The following POLE2 variants were observed in gnomAD, a reference collection of about 807,000 sequenced individuals.
The protein encoded by POLE2 is DNA polymerase epsilon 2, accessory subunit, also known as DNA polymerase epsilon subunit 2.
Under a neutral mutation model 79.4 loss-of-function variants are expected in POLE2, and 56 were observed. That is an observed-to-expected ratio of 0.71 (90% CI 0.57 to 0.88). POLE2 has a LOEUF of 0.88. POLE2 is among the 40% of genes least tolerant of loss of function. The probability of loss-of-function intolerance (pLI) is 0.00; values close to 1 mark genes in which losing one functional copy is unlikely to be tolerated. For missense variants in POLE2, 598 were observed against 638.9 expected (o/e 0.94, Z 0.69); for synonymous variants, 212 against 214.0 (o/e 0.99, Z 0.08).
intron 2 of POLE2, among the ~76,000 whole-genome samples, chr14:49,683,327 G>C (rs1307452098): frequency 2.0e-5 from 3 of 151,988 alleles, no homozygotes; most frequent in African/African-American, 7.3e-5. Flanking sequence ...GCTTGAACCC[G>C]GGAGGTGGGG....
At chr14:49,683,552 C>A in intron 2 of POLE2, 41 bp downstream of exon 2, 1 of 888,740 alleles carries the variant, frequency 1.1e-6, no homozygotes, top group South Asian at 1.4e-5. Flanking sequence ...AGATGCAGAA[C>A]TATATTAACA....
At chr14:49,675,897 G>A (rs1283814957) in intron 3 of POLE2, among the ~76,000 whole-genome samples, 1 of 152,044 alleles carries the variant, frequency 6.6e-6, no homozygotes, top group African/African-American at 2.4e-5. Flanking sequence ...GGGATTACAG[G>A]CACCCTCCAC....
intron 5 of POLE2, among the ~76,000 whole-genome samples, chr14:49,670,949 C>T (rs913494838): frequency 6.6e-6 from 1 of 152,182 alleles, no homozygotes; most frequent in African/African-American, 2.4e-5. Flanking sequence ...CCTGACAATA[C>T]AAACTTCGTA....
At chr14:49,665,012 G>A in intron 8 of POLE2, 95 bp downstream of exon 8, 2 of 694,174 alleles carry the variant, frequency 2.9e-6, no homozygotes, top group South Asian at 3.3e-5. Context: ...AAGTTACATT[G>A]AGAACCCAAA....
intron 1 of POLE2, among the ~76,000 whole-genome samples, chr14:49,687,763 G>A (rs1887260250): frequency 6.6e-6 from 1 of 151,870 alleles, no homozygotes; most frequent in South Asian, 2.1e-4. Flanking sequence ...AGAGTGGCAC[G>A]ATATCGGCTC....
At chr14:49,675,907 C>A (rs1421224403) in intron 3 of POLE2, among the ~76,000 whole-genome samples, 7 of 152,132 alleles carry the variant, frequency 4.6e-5, no homozygotes, top group Admixed American at 6.6e-5. Context: ...GCACCCTCCA[C>A]CACGCCCAGC....
intron 1 of POLE2, among the ~76,000 whole-genome samples, chr14:49,687,164 G>A (rs529054598): frequency 2.1e-4 from 32 of 151,856 alleles, no homozygotes; most frequent in Non-Finnish European, 4.0e-4. Flanking sequence ...GGTGGCCCAT[G>A]CCTGCAGTCC....
chr14:49,652,165 CGG>C (rs1289089627), intron 15 of POLE2, among the ~76,000 whole-genome samples: 5 of 38,624 alleles, frequency 1.3e-4, no homozygotes, highest in African/African-American at 3.2e-4. Context: ...GAATAGAATA[CGG>C]AGAGGAGAAT....
chr14:49,665,164 CT>C lies in POLE2; in HGVS notation c.577-2del. The C allele has an allele frequency of 1.5e-6, 2 of 1,302,526 alleles. No individual in the cohort carries two copies. Among genetic ancestry groups the C allele is most frequent in the Non-Finnish European group, 2.2e-6 (2 of 902,932 alleles). 80.7% of individuals were successfully genotyped at this position (1,302,526 alleles called of 1,614,324 possible). ...TAGGATCTTCCAGAAAAAATTTTCCCTAAAAAAATGAAAATAAATAAATCCA... is the reference window on the plus strand; with the variant it reads ...TAGGATCTTCCAGAAAAAATTTTCCCAAAAAAATGAAAATAAATAAATCCA... On this transcript the variant is annotated splice_acceptor_variant, in intron 7 of 18. Coordinates refer to ENST00000216367, the MANE Select transcript of POLE2 (RefSeq NM_002692.4). LOFTEE classifies it high-confidence loss of function.
At chr14:49,647,511 T>C (rs1883873915) in intron 17 of POLE2, 151 bp from the exon 18 acceptor site, 1 of 283,348 alleles carries the variant, frequency 3.5e-6, no homozygotes, top group Non-Finnish European at 6.6e-6. Context: ...CAGGCTGGAG[T>C]GCAGTGGGGC....
At chr14:49,656,441 T>G (rs1884686018) in intron 10 of POLE2, among the ~76,000 whole-genome samples, 1 of 152,246 alleles carries the variant, frequency 6.6e-6, no homozygotes, top group African/African-American at 2.4e-5. Flanking sequence ...AGTACACCAT[T>G]TGAACAATAT....
At chr14:49,682,027 C>T (rs1343923336) in intron 2 of POLE2, 3 of 132,716 alleles carry the variant, frequency 2.3e-5, no homozygotes, top group East Asian at 2.3e-4. Flanking sequence ...TTTTTTGAGA[C>T]GGAATCTCAC....
chr14:49,672,830 C>T (rs1300259009), intron 5 of POLE2, among the ~76,000 whole-genome samples: 1 of 152,066 alleles, frequency 6.6e-6, no homozygotes. Flanking sequence ...TTCTCTTTCT[C>T]CCAAGGTCTC....
intron 5 of POLE2, among the ~76,000 whole-genome samples, chr14:49,673,746 T>G (rs1207450756): frequency 6.6e-6 from 1 of 152,208 alleles, no homozygotes; most frequent in South Asian, 2.1e-4. Flanking sequence ...ATACGATCTA[T>G]GGGCAAATTA....
intron 15 of POLE2, among the ~76,000 whole-genome samples, chr14:49,652,620 G>A (rs962385111): frequency 1.4e-4 from 22 of 152,218 alleles, no homozygotes; most frequent in Non-Finnish European, 2.8e-4. Context: ...AACTGTACAC[G>A]TGAGTGATCT....
At chr14:49,663,825 G>A (rs918869150) in intron 9 of POLE2, among the ~76,000 whole-genome samples, 3 of 148,048 alleles carry the variant, frequency 2.0e-5, no homozygotes, top group Non-Finnish European at 3.0e-5. Flanking sequence ...TCAGGAGATC[G>A]AGACCATCCT....
At chr14:49,667,272 AAC>A (rs746138757) in intron 6 of POLE2, among the ~76,000 whole-genome samples, 9 of 152,084 alleles carry the variant, frequency 5.9e-5, no homozygotes, top group Non-Finnish European at 1.3e-4. Context: ...TATAATTTAT[AAC>A]ACACACCTAT....
chr14:49,646,754 A>T (rs1883806876), intron 18 of POLE2: 1 of 152,224 alleles, frequency 6.6e-6, no homozygotes, highest in Non-Finnish European at 1.5e-5. Flanking sequence ...AAGTCATTTG[A>T]TGAGTCTGGG....
At chr14:49,674,078 C>T (rs756026033) in intron 5 of POLE2, 45 bp downstream of exon 5, 1 of 1,080,806 alleles carries the variant, frequency 9.3e-7, no homozygotes, top group Non-Finnish European at 1.4e-6. Flanking sequence ...CTCCTTTTCT[C>T]TCATTTTACC....
Sources: allele counts gnomAD v4.1 joint callset (sites outside exome capture counted in the v4.1 genomes callset), GRCh38; gene constraint gnomAD v4.1.1; transcripts MANE v1.5; gene names NCBI Gene and HGNC (gene_info 2026-07-23, HGNC 2026-07-21).